Variants in TCF4 observed in about 807,000 individuals in gnomAD.
TCF4 encodes transcription factor 4.
TCF4 carries 3 observed loss-of-function variants against 82.1 expected under a neutral mutation model. The ratio of observed to expected loss-of-function variants is 0.04; its 90% CI spans 0.02 to 0.09. The LOEUF (loss-of-function observed/expected upper bound fraction) is 0.09, where lower values mean the gene tolerates loss of function less well. TCF4 is among the 10% of genes least tolerant of loss of function. The probability of loss-of-function intolerance (pLI) is 1.00; values close to 1 mark genes in which losing one functional copy is unlikely to be tolerated. For synonymous variants in TCF4, 276 were observed against 309.6 expected, an observed-to-expected ratio of 0.89 and a Z score of 1.14; for missense variants, 518 against 852.7, an observed-to-expected ratio of 0.61 and a Z score of 4.89.
intron 8 of TCF4, among the ~76,000 whole-genome samples, chr18:55,290,453 C>T (rs969903629): frequency 1.3e-5 from 2 of 152,180 alleles, no homozygotes; most frequent in African/African-American, 4.8e-5. Flanking sequence ...GCAGTAATTA[C>T]ACTTCAGGGC....
intron 5 of TCF4, chr18:55,404,074 A>C (rs1427701161): frequency 2.7e-6 from 3 of 1,107,470 alleles, no homozygotes; most frequent in Non-Finnish European, 3.3e-6. Flanking sequence ...TGGAATTTAC[A>C]TTTGGGAAAC....
At chr18:55,278,562 G>A (rs199588726) in intron 9 of TCF4, among the ~76,000 whole-genome samples, 7 of 104,992 alleles carry the variant, frequency 6.7e-5, no homozygotes, top group Admixed American at 9.1e-5. Flanking sequence ...TTATTTGTTT[G>A]TTTATTTATT....
chr18:55,555,772 C>G (rs1280277696), intron 3 of TCF4, among the ~76,000 whole-genome samples: 1 of 152,140 alleles, frequency 6.6e-6, no homozygotes, highest in East Asian at 1.9e-4. Flanking sequence ...CATTAGAAAG[C>G]AATTACAGCT....
At position 55,388,520 on chromosome 18, in the gene TCF4, T is replaced by C. The variant is rs1009036046; in HGVS notation, c.369+14934A>G. On this transcript the variant is annotated intron_variant, in intron 6 of 19. Transcript: ENST00000354452. ...TATACAGATTGCTAGGTTCTTCATATCCTCTTTAGAAATGCACATTTTTTC... is the reference window on the plus strand; with the variant it reads ...TATACAGATTGCTAGGTTCTTCATACCCTCTTTAGAAATGCACATTTTTTC... 9.2e-5 allele frequency among the ~76,000 whole-genome samples: 14 copies of C among 152,230 alleles called. No individual in the cohort carries two copies. In the East Asian group the frequency reaches 1.3e-3, roughly 15 times the overall value.
intron 3 of TCF4, among the ~76,000 whole-genome samples, chr18:55,573,708 C>T (rs2097499940): frequency 6.6e-6 from 1 of 152,168 alleles, no homozygotes; most frequent in Non-Finnish European, 1.5e-5. Flanking sequence ...CTGACTGCTC[C>T]CCTTGATCAG....
chr18:55,497,531 A>G (rs56016607), intron 3 of TCF4, among the ~76,000 whole-genome samples: 5,139 of 152,306 alleles, frequency 0.034, 117 homozygotes, highest in Non-Finnish European at 0.052. Context: ...AAGGCTACAA[A>G]TTACAAATGA....
At chr18:55,385,526 C>T (rs2092513538) in intron 6 of TCF4, among the ~76,000 whole-genome samples, 1 of 152,132 alleles carries the variant, frequency 6.6e-6, no homozygotes, top group South Asian at 2.1e-4. Flanking sequence ...CTCAGCATCC[C>T]GAGTAACTAG....
At chr18:55,288,768 A>G (rs2064313823) in intron 8 of TCF4, among the ~76,000 whole-genome samples, 1 of 152,220 alleles carries the variant, frequency 6.6e-6, no homozygotes, top group African/African-American at 2.4e-5. Context: ...TGCAGCAGGT[A>G]TTAATACACT....
At chr18:55,519,931 T>C (rs1305965267) in intron 3 of TCF4, among the ~76,000 whole-genome samples, 1 of 152,204 alleles carries the variant, frequency 6.6e-6, no homozygotes, top group Non-Finnish European at 1.5e-5. Context: ...ACTTCACTTC[T>C]TTCTTCACAC....
chr18:55,455,549 A>C (rs1013483606), intron 5 of TCF4, among the ~76,000 whole-genome samples: 2 of 150,716 alleles, frequency 1.3e-5, no homozygotes, highest in Admixed American at 6.6e-5. Context: ...AAAAAAAAAG[A>C]AGCACACCAA....
At chr18:55,314,359 A>G (rs1196070138) in intron 8 of TCF4, among the ~76,000 whole-genome samples, 1 of 152,188 alleles carries the variant, frequency 6.6e-6, no homozygotes, top group African/African-American at 2.4e-5. Flanking sequence ...TAATGCCATT[A>G]GGAATGTAAA....
At chr18:55,387,408 T>G (rs959867026) in intron 6 of TCF4, among the ~76,000 whole-genome samples, 1 of 152,210 alleles carries the variant, frequency 6.6e-6, no homozygotes, top group African/African-American at 2.4e-5. Flanking sequence ...ACACACTAGC[T>G]TCTTAGTTAT....
intron 3 of TCF4, among the ~76,000 whole-genome samples, chr18:55,577,175 TATTTATAA>T (rs1233242093): frequency 1.5e-5 from 2 of 134,098 alleles, no homozygotes; most frequent in Non-Finnish European, 3.1e-5. Flanking sequence ...TACATTTATA[TATTTATAA>T]ATGTATATAT....
At chr18:55,511,218 C>T (rs2096824560) in intron 3 of TCF4, among the ~76,000 whole-genome samples, 1 of 150,212 alleles carries the variant, frequency 6.7e-6, no homozygotes, top group Non-Finnish European at 1.5e-5. Flanking sequence ...TACTCGAACA[C>T]AGTTCAGCAA....
intron 6 of TCF4, among the ~76,000 whole-genome samples, chr18:55,361,923 A>G (rs2085295216): frequency 6.6e-6 from 1 of 152,170 alleles, no homozygotes; most frequent in Non-Finnish European, 1.5e-5. Flanking sequence ...TGAAGTATCC[A>G]CCCGAGATTA....
chr18:55,579,980 T>C (rs915363741), intron 3 of TCF4, among the ~76,000 whole-genome samples: 4 of 152,008 alleles, frequency 2.6e-5, no homozygotes, highest in Admixed American at 1.3e-4. Flanking sequence ...CATAGTTCTA[T>C]TATATATGTT....
At chr18:55,478,142 GAAT>G in intron 3 of TCF4, among the ~76,000 whole-genome samples, 1 of 152,338 alleles carries the variant, frequency 6.6e-6, no homozygotes, top group Non-Finnish European at 1.5e-5. Context: ...TGTCAGTAGA[GAAT>G]AATGATTTAT....
intron 5 of TCF4, among the ~76,000 whole-genome samples, chr18:55,435,720 C>CAAAA (rs1233130678): frequency 6.6e-6 from 1 of 152,218 alleles, no homozygotes; most frequent in Non-Finnish European, 1.5e-5. Flanking sequence ...CTCAAACACG[C>CAAAA]CTCCATCCAT....
chr18:55,405,895 G>A (rs2094060851), intron 5 of TCF4, among the ~76,000 whole-genome samples: 1 of 152,068 alleles, frequency 6.6e-6, no homozygotes, highest in Admixed American at 6.6e-5. Context: ...AATTTTGCTT[G>A]TTAAAAAATA....
Sources: allele counts gnomAD v4.1 joint callset (sites outside exome capture counted in the v4.1 genomes callset), GRCh38; gene constraint gnomAD v4.1.1; transcripts MANE v1.5; gene names NCBI Gene and HGNC (gene_info 2026-07-23, HGNC 2026-07-21).